The following MED15 variants were observed in gnomAD, a reference collection of about 807,000 sequenced individuals.
MED15 encodes mediator of RNA polymerase II transcription subunit 15.
MED15 carries 41 observed loss-of-function variants against 118.7 expected under a neutral mutation model. That is an observed-to-expected ratio of 0.35 (90% CI 0.27 to 0.45). The LOEUF (loss-of-function observed/expected upper bound fraction) is 0.45. MED15 is among the 20% of genes least tolerant of loss of function. The probability of loss-of-function intolerance (pLI) is 1.00; values close to 1 mark genes in which losing one functional copy is unlikely to be tolerated. For synonymous variants in MED15, 436 were observed against 413.9 expected (o/e 1.05, Z -0.65); for missense variants, 740 against 1,025.5 (o/e 0.72, Z 3.80).
intron 5 of MED15, among the ~76,000 whole-genome samples, chr22:20,562,103 A>G (rs1375112490): frequency 2.6e-5 from 4 of 152,030 alleles, no homozygotes; most frequent in Non-Finnish European, 1.5e-5. Flanking sequence ...TGAGTCTGCA[A>G]TGAGCCACGA....
chr22:20,557,902 C>T (rs1320156444), intron 5 of MED15, among the ~76,000 whole-genome samples: 9 of 152,134 alleles, frequency 5.9e-5, no homozygotes, highest in African/African-American at 2.2e-4. Flanking sequence ...GTCAGGAGAT[C>T]GAGACCATCC....
intron 1 of MED15, among the ~76,000 whole-genome samples, chr22:20,523,345 C>T (rs1286515077): frequency 6.6e-6 from 1 of 151,746 alleles, no homozygotes; most frequent in Non-Finnish European, 1.5e-5. Context: ...AAGCATTTGA[C>T]TTCCTTTTTT....
At chr22:20,583,087 T>C (rs2057037216) in intron 11 of MED15, 26 bp from the exon 12 acceptor site, 2 of 1,565,416 alleles carry the variant, frequency 1.3e-6, no homozygotes, top group South Asian at 1.2e-5. Context: ...TCGAGGGCTG[T>C]GGCCTCACCC....
At chr22:20,521,181 C>T (rs1039213019) in intron 1 of MED15, among the ~76,000 whole-genome samples, 1 of 145,054 alleles carries the variant, frequency 6.9e-6, no homozygotes, top group African/African-American at 2.6e-5. Flanking sequence ...CCTGCAACCT[C>T]TGCCTCCTAG....
At chr22:20,513,098 G>T (rs1026133683) in intron 1 of MED15, among the ~76,000 whole-genome samples, 4 of 151,770 alleles carry the variant, frequency 2.6e-5, no homozygotes, top group Middle Eastern at 3.2e-3. Flanking sequence ...AAGAGACAGG[G>T]TCTTGCTTTG....
intron 9 of MED15, among the ~76,000 whole-genome samples, chr22:20,579,031 G>A (rs1336486223): frequency 6.6e-6 from 1 of 152,238 alleles, no homozygotes; most frequent in African/African-American, 2.4e-5. Flanking sequence ...GCTCAGCACG[G>A]GGGCCCAGGG....
At chr22:20,556,929 C>G (rs1309188313) in intron 5 of MED15, among the ~76,000 whole-genome samples, 1 of 152,176 alleles carries the variant, frequency 6.6e-6, no homozygotes, top group East Asian at 1.9e-4. Context: ...CAGGTTTTAT[C>G]AGTAATTCAT....
chr22:20,557,982 T>G (rs2056086195), intron 5 of MED15, among the ~76,000 whole-genome samples: 1 of 152,188 alleles, frequency 6.6e-6, no homozygotes, highest in African/African-American at 2.4e-5. Context: ...GGTGGGTGCC[T>G]GTAGTCCCAG....
At chr22:20,538,184 C>T (rs1386671170) in intron 2 of MED15, among the ~76,000 whole-genome samples, 1 of 152,176 alleles carries the variant, frequency 6.6e-6, no homozygotes, top group Non-Finnish European at 1.5e-5. Flanking sequence ...TGGCCCTACG[C>T]CATCCTCTTG....
intron 9 of MED15, 61 bp from the exon 10 acceptor site, chr22:20,582,550 T>C: frequency 1.3e-6 from 2 of 1,534,620 alleles, no homozygotes; most frequent in Non-Finnish European, 1.7e-6. Flanking sequence ...GGTGGGCAGG[T>C]GGTGTGGAGG....
intron 1 of MED15, among the ~76,000 whole-genome samples, chr22:20,521,436 G>A (rs1468683300): frequency 6.8e-6 from 1 of 147,986 alleles, no homozygotes; most frequent in African/African-American, 2.5e-5. Context: ...TCACTCTGTC[G>A]CCTAGGCTGG....
intron 1 of MED15, among the ~76,000 whole-genome samples, chr22:20,535,850 T>C (rs1269285349): frequency 9.0e-5 from 13 of 144,002 alleles, no homozygotes; most frequent in East Asian, 4.3e-4. Flanking sequence ...TGAGCCACCG[T>C]GCTCAGCCTG....
intron 2 of MED15, among the ~76,000 whole-genome samples, chr22:20,547,546 G>T (rs1258098872): frequency 6.6e-6 from 1 of 152,170 alleles, no homozygotes; most frequent in African/African-American, 2.4e-5. Context: ...TTGGCCAGGC[G>T]TGGTGGCTCA....
chr22:20,569,635 TGAG>T (rs72200590), intron 8 of MED15, among the ~76,000 whole-genome samples: 16,469 of 152,156 alleles, frequency 0.11, 1,238 homozygotes, highest in Non-Finnish European at 0.15. Flanking sequence ...GGAAGCTGCC[TGAG>T]GAGGGAATCT....
At chr22:20,573,607 A>AT (rs762225527) in intron 8 of MED15, 2 of 152,260 alleles carry the variant, frequency 1.3e-5, no homozygotes, top group African/African-American at 2.4e-5. Context: ...CTGATCCAGT[A>AT]AACATAACTG....
At chr22:20,572,683 C>T (rs541776065) in intron 8 of MED15, among the ~76,000 whole-genome samples, 1 of 152,310 alleles carries the variant, frequency 6.6e-6, no homozygotes, top group Admixed American at 6.5e-5. Context: ...TTTTGGGAAG[C>T]CAAGGTGAGA....
chr22:20,583,699 C>T (rs750598322), intron 13 of MED15: 68 of 398,336 alleles, frequency 1.7e-4, no homozygotes, highest in Non-Finnish European at 5.2e-5. Context: ...ATCAGCTGGC[C>T]CAGATGGGCC....
At chr22:20,537,057 G>C (rs2055107231) in intron 1 of MED15, 60 bp from the exon 2 acceptor site, 3 of 1,506,858 alleles carry the variant, frequency 2.0e-6, no homozygotes, top group Non-Finnish European at 9.1e-7. Context: ...TGTTGGCCAG[G>C]GCCCTGCAGC....
chr22:20,575,049 A>C lies in MED15; in HGVS notation c.1153-64A>C, dbSNP rs1601624862. ...TGCAGAGGCTACACGTGCCCTCTCC[A>C]CCTGCCCAGGCACTGAGTTTCTTTG... is the stretch of plus-strand genomic sequence containing the variant. On this transcript the variant is annotated intron_variant, in intron 8 of 17. Coordinates refer to ENST00000263205, the MANE Select transcript of MED15 (RefSeq NM_001003891.3). 2.1e-5 allele frequency: 33 copies of C among 1,603,766 alleles called. No homozygotes were observed. The East Asian group carries it at 7.4e-4, about 36-fold the overall frequency.
Sources: gnomAD v4.1 joint callset for allele counts (sites outside exome capture counted in the v4.1 genomes callset) on GRCh38, gnomAD v4.1.1 for gene constraint, MANE v1.5 for transcripts, NCBI Gene and HGNC (gene_info 2026-07-23, HGNC 2026-07-21) for gene names.